The following KLF12 variants were observed in gnomAD, a reference collection of about 807,000 sequenced individuals.
KLF12 encodes the protein Krueppel-like factor 12.
In KLF12, 9 loss-of-function variants were observed where a neutral mutation model predicts 37.8. The observed-to-expected ratio is 0.24, with a 90% confidence interval of 0.14 to 0.42. KLF12 has a LOEUF of 0.42. KLF12 is among the 10% of genes least tolerant of loss of function. KLF12 has a pLI of 1.00. For synonymous variants in KLF12, 208 were observed against 202.1 expected, an observed-to-expected ratio of 1.03 and a Z score of -0.25; for missense variants, 411 against 516.0, an observed-to-expected ratio of 0.80 and a Z score of 1.97.
At chr13:74,141,700 C>A in the KLF12 span, among the ~76,000 whole-genome samples, 1 of 152,154 alleles carries the variant, frequency 6.6e-6, no homozygotes, top group Admixed American at 6.5e-5. Flanking sequence ...AGGCTAAGAG[C>A]AAAACCAAGT....
chr13:74,081,333 C>G (rs578126193), intron 1 of KLF12, among the ~76,000 whole-genome samples: 1 of 152,124 alleles, frequency 6.6e-6, no homozygotes, highest in Non-Finnish European at 1.5e-5. Flanking sequence ...ATTCAGTAAT[C>G]AAAAGATGAC....
At chr13:74,255,860 G>A in the KLF12 span, among the ~76,000 whole-genome samples, 1 of 152,108 alleles carries the variant, frequency 6.6e-6, no homozygotes, top group African/African-American at 2.4e-5. Context: ...CTACCTTAAA[G>A]AAGTCAGGAA....
intron 1 of KLF12, among the ~76,000 whole-genome samples, chr13:74,118,724 C>T (rs1286204479): frequency 6.6e-6 from 1 of 152,196 alleles, no homozygotes; most frequent in Non-Finnish European, 1.5e-5. Flanking sequence ...CCGCCAAAAC[C>T]CAATTTACAA....
chr13:73,994,051 G>T (rs1335632860), intron 2 of KLF12, among the ~76,000 whole-genome samples: 1 of 152,178 alleles, frequency 6.6e-6, no homozygotes, highest in Non-Finnish European at 1.5e-5. Context: ...GCCTCCACAG[G>T]TCTAAACACT....
At chr13:73,789,058 CT>C (rs565396372) in intron 5 of KLF12, among the ~76,000 whole-genome samples, 124 of 152,166 alleles carry the variant, frequency 8.1e-4, no homozygotes, top group Middle Eastern at 3.4e-3. Flanking sequence ...CTGAGAATGA[CT>C]TTTTTTTCAT....
chr13:74,253,195 C>T, the KLF12 span, among the ~76,000 whole-genome samples: 37,665 of 152,026 alleles, frequency 0.25, 8,119 homozygotes, highest in African/African-American at 0.58. Flanking sequence ...TTTAAAATAA[C>T]GTTAATCTAA....
At chr13:73,742,451 A>C (rs1392262574) in intron 6 of KLF12, among the ~76,000 whole-genome samples, 1 of 152,182 alleles carries the variant, frequency 6.6e-6, no homozygotes, top group East Asian at 1.9e-4. Context: ...ATAGTTAACA[A>C]TATTTAACAG....
chr13:74,074,541 G>C (rs1231985208), intron 1 of KLF12, among the ~76,000 whole-genome samples: 1 of 152,162 alleles, frequency 6.6e-6, no homozygotes, highest in Non-Finnish European at 1.5e-5. Context: ...GAATGTTCCT[G>C]GATATCAATG....
At chr13:74,145,649 G>A in the KLF12 span, among the ~76,000 whole-genome samples, 1 of 152,250 alleles carries the variant, frequency 6.6e-6, no homozygotes, top group South Asian at 2.1e-4. Context: ...TTTAACCCCA[G>A]CAGTACTTAC....
chr13:73,746,250 A>T (rs1878364382), intron 6 of KLF12, among the ~76,000 whole-genome samples: 1 of 152,192 alleles, frequency 6.6e-6, no homozygotes, highest in African/African-American at 2.4e-5. Flanking sequence ...TTACAAATGA[A>T]ATGAAACAAA....
intron 1 of KLF12, among the ~76,000 whole-genome samples, chr13:74,015,975 A>G (rs1388609984): frequency 1.3e-5 from 2 of 152,248 alleles, no homozygotes; most frequent in African/African-American, 4.8e-5. Context: ...AAAGATGGAC[A>G]TAACAGATGT....
the KLF12 span, among the ~76,000 whole-genome samples, chr13:74,230,967 T>C: frequency 6.6e-6 from 1 of 152,152 alleles, no homozygotes; most frequent in African/African-American, 2.4e-5. Flanking sequence ...CAAAGCTTAG[T>C]CATTGGTCCT....
chr13:74,065,896 T>C (rs966917454), intron 1 of KLF12, among the ~76,000 whole-genome samples: 2 of 151,894 alleles, frequency 1.3e-5, no homozygotes, highest in African/African-American at 2.4e-5. Flanking sequence ...AGAGGTTTTA[T>C]GAAGAAGGGG....
At chr13:74,197,770 C>T in the KLF12 span, among the ~76,000 whole-genome samples, 1,705 of 152,170 alleles carry the variant, frequency 0.011, 30 homozygotes, top group African/African-American at 0.037. Flanking sequence ...CAGATGTGCA[C>T]GCAATAAGCA....
At chr13:74,171,506 C>G in the KLF12 span, among the ~76,000 whole-genome samples, 1 of 152,188 alleles carries the variant, frequency 6.6e-6, no homozygotes, top group East Asian at 1.9e-4. Flanking sequence ...CCCAAACAGT[C>G]TATACATCTT....
At chr13:74,078,739 C>A (rs1049604934) in intron 1 of KLF12, among the ~76,000 whole-genome samples, 1 of 152,062 alleles carries the variant, frequency 6.6e-6, no homozygotes, top group South Asian at 2.1e-4. Context: ...ATTAATGATA[C>A]CAAATAACTT....
At chr13:74,054,407 G>A (rs544927139) in intron 1 of KLF12, among the ~76,000 whole-genome samples, 2 of 152,148 alleles carry the variant, frequency 1.3e-5, no homozygotes, top group Non-Finnish European at 2.9e-5. Flanking sequence ...AAAATCCCAC[G>A]GAGAGTCAGC....
rs1441180242 is a variant in KLF12 at position 73,688,966 on chromosome 13, T to C, written c.*6524A>G. ...ATGAACAACTCAGCCACACTTCCCA[T>C]GTCTCCGTTTCCCATCCATAAAGTG... On this transcript the variant is annotated 3_prime_UTR_variant, in exon 8 of 8. Coordinates refer to ENST00000377669, the MANE Select transcript of KLF12 (RefSeq NM_007249.5). 2 of 152,148 alleles carry C rather than the reference T, an allele frequency of 1.3e-5. No individual in the cohort carries two copies. Among genetic ancestry groups the C allele is most frequent in the African/African-American group, 2.4e-5 (1 of 41,442 alleles). 9.4% of individuals were successfully genotyped at this position (152,148 alleles called of 1,614,324 possible). A position where few individuals can be genotyped will look rare whatever the true frequency, so the allele number is the denominator to read the frequency against.
chr13:73,727,418 TA>T, intron 6 of KLF12, among the ~76,000 whole-genome samples: 1 of 152,342 alleles, frequency 6.6e-6, no homozygotes, highest in South Asian at 2.1e-4. Flanking sequence ...TGCATGGGGA[TA>T]TTCAGTTATC....
Sources: gnomAD v4.1 joint callset for allele counts (sites outside exome capture counted in the v4.1 genomes callset) on GRCh38, gnomAD v4.1.1 for gene constraint, MANE v1.5 for transcripts, NCBI Gene and HGNC (gene_info 2026-07-23, HGNC 2026-07-21) for gene names.